Variants in PRR14L observed in about 807,000 individuals in gnomAD.
PRR14L encodes the protein proline rich 14 like.
PRR14L carries 80 observed loss-of-function variants against 155.0 expected under a neutral mutation model. The observed-to-expected ratio is 0.52, with a 90% CI of 0.43 to 0.62. The LOEUF is 0.62. Ranked by LOEUF, PRR14L falls within the 20% of genes least tolerant of loss-of-function variation. PRR14L has a pLI of 0.00. For synonymous variants in PRR14L, 883 were observed against 916.0 expected, an observed-to-expected ratio of 0.96 and a Z score of 0.65; for missense variants, 2,469 against 2,548.0, an observed-to-expected ratio of 0.97 and a Z score of 0.67.
At chr22:31,706,385 A>C (rs1881104979) in intron 4 of PRR14L, among the ~76,000 whole-genome samples, 1 of 148,246 alleles carries the variant, frequency 6.7e-6, no homozygotes, top group South Asian at 2.1e-4. Flanking sequence ...AAAAAAAAGG[A>C]GAAAACTATT....
rs959827674 is a variant in PRR14L, at chr22:31,704,796, T to C, written c.5757-70A>G. On this transcript the variant is annotated intron_variant, in intron 4 of 8. Transcript: ENST00000327423. Reference sequence around the variant, plus strand: ...GATAACAGGAAAGGTTTTGATGTTATTGTGGGTATTAGCACATGATAGCCC... The same window carrying C: ...GATAACAGGAAAGGTTTTGATGTTACTGTGGGTATTAGCACATGATAGCCC... 15 of 1,202,744 alleles carry C rather than the reference T, an allele frequency of 1.2e-5. No homozygotes were observed. The Admixed American group carries it at 2.1e-4, about 17-fold the overall frequency. The allele number at this position is 1,202,744 out of a possible 1,614,324, so 74.5% of individuals were successfully genotyped here.
At chr22:31,731,317 C>A (rs2074748006) in intron 2 of PRR14L, among the ~76,000 whole-genome samples, 1 of 152,030 alleles carries the variant, frequency 6.6e-6, no homozygotes, top group Non-Finnish European at 1.5e-5. Context: ...ATAATCCTAA[C>A]ACTTTGGGAG....
chr22:31,719,739 C>CT (rs131229), intron 3 of PRR14L, among the ~76,000 whole-genome samples: 238 of 143,424 alleles, frequency 1.7e-3, no homozygotes, highest in East Asian at 7.9e-3. Context: ...CTCTGTGACA[C>CT]TTTTTTTTTT....
In PRR14L at chr22:31,681,898, GTTAT is replaced by G. The variant is rs914969963; in HGVS notation, c.*3625_*3628del. 2.0e-4 allele frequency: 30 copies of G among 152,152 alleles called. No individual in the cohort carries two copies. The highest frequency in any genetic ancestry group is 6.8e-4 in the African/African-American group (28 of 41,434). 9.4% of individuals were successfully genotyped at this position (152,152 alleles called of 1,614,324 possible). ...TTTGGATACAGCCACCCACAATGTG[GTTAT>G]TTAAGAAGTCCTTTCCATGACACCA... On this transcript the variant is annotated 3_prime_UTR_variant, in exon 9 of 9. Transcript: ENST00000327423.
intron 4 of PRR14L, among the ~76,000 whole-genome samples, chr22:31,705,026 G>C (rs2074582449): frequency 6.6e-6 from 1 of 152,176 alleles, no homozygotes; most frequent in Non-Finnish European, 1.5e-5. Flanking sequence ...TTGGGAGGCT[G>C]AGGTGGGCAG....
rs1307896591 is a variant in PRR14L at position 31,714,757 on chromosome 22, C to A, written c.3082G>T (p.Gly1028Cys). Residue 1028 changes from glycine (G) to cysteine (C), a missense_variant, in exon 4 of 9, where the codon GGT (glycine) becomes TGT (cysteine). Coordinates refer to ENST00000327423, the MANE Select transcript of PRR14L (RefSeq NM_173566.3). ...SSGSNNSLPC[G>C]SPKKCNLKGA... ...TTCAAATTGCATTTCTTTGGACTAC[C>A]ACAAGGTAGTGAGTTATTACTGCCT... The A allele has an allele frequency of 6.4e-6, 10 of 1,552,184 alleles. No homozygotes were observed. Among genetic ancestry groups the A allele is most frequent in the Non-Finnish European group, 8.7e-6 (10 of 1,147,140 alleles).
intron 1 of PRR14L, among the ~76,000 whole-genome samples, chr22:31,747,512 AAAGTT>A (rs796540381): frequency 1.1e-3 from 167 of 149,846 alleles, no homozygotes; most frequent in African/African-American, 4.0e-3. Context: ...GTGTTAAGTG[AAAGTT>A]AAGTGAACTT....
At chr22:31,749,161 C>T (rs2074857554) in intron 1 of PRR14L, among the ~76,000 whole-genome samples, 1 of 152,126 alleles carries the variant, frequency 6.6e-6, no homozygotes, top group South Asian at 2.1e-4. Context: ...GAAAACAGAA[C>T]CCAAATTGGA....
In PRR14L at chr22:31,713,764, C is replaced by A; in HGVS notation, c.4075G>T (p.Val1359Phe). 1 of 1,552,342 alleles carries A rather than the reference C, an allele frequency of 6.4e-7. No homozygotes were observed. Among genetic ancestry groups the A allele is most frequent in the Non-Finnish European group, 8.7e-7 (1 of 1,147,140 alleles). Residue 1359 changes from valine (V) to phenylalanine (F), a missense_variant, in exon 4 of 9, where the codon GTT becomes TTT. Coordinates refer to ENST00000327423, the MANE Select transcript of PRR14L (RefSeq NM_173566.3). ...LTVGEQSEEL[V>F]TRETGDGDPV... ...TCGCCATCGCCAGTTTCTCTGGTAA[C>A]CAACTCCTCAGATTGCTCCCCAACA... is the stretch of plus-strand genomic sequence containing the variant.
rs2074665408 is a variant in PRR14L at position 31,717,219 on chromosome 22, G to A, written c.620C>T (p.Thr207Ile). The A allele has an allele frequency of 6.4e-7, 1 of 1,551,784 alleles. No homozygotes were observed. The highest frequency in any genetic ancestry group is 1.4e-5 in the African/African-American group (1 of 73,014). Residue 207 changes from threonine (T) to isoleucine (I), a missense_variant, in exon 4 of 9, where the codon ACT becomes ATT. Thr to Ile is a moderately conservative substitution (Grantham distance 89). Transcript: ENST00000327423. ...GTGTCCTTCATTATTATCCGTCTTA[G>A]TCCCATTGACCTTCATACCTTGTAC... is the stretch of plus-strand genomic sequence containing the variant. ...AEVQGMKVNG[T>I]KTDNNEGHKN...
Position 31,685,495 on chromosome 22 carries a change from C to A in PRR14L, c.*32G>T, listed in dbSNP as rs373060948. 5.4e-6 allele frequency: 8 copies of A among 1,481,056 alleles called. No individual in the cohort carries two copies. Among genetic ancestry groups the A allele is most frequent in the South Asian group, 2.7e-5 (2 of 74,818 alleles). 91.7% of individuals were successfully genotyped at this position (1,481,056 alleles called of 1,614,324 possible). A position where few individuals can be genotyped will look rare whatever the true frequency, so the allele number is the denominator to read the frequency against. On this transcript the variant is annotated 3_prime_UTR_variant, in exon 9 of 9. Transcript: ENST00000327423. ...AAAAACAAAACAAAACAAAAAAACC[C>A]TAAAATTGAGACCCTCAAACTGAAT...
In PRR14L at chr22:31,684,749, C is replaced by G. The variant is rs985218318; in HGVS notation, c.*778G>C. On this transcript the variant is annotated 3_prime_UTR_variant, in exon 9 of 9. Transcript: ENST00000327423. ...TTCTTAAGACATGTATTGTTTTTCTCCTTAAAAAAATGTTTTAAAATCACA... is the reference window on the plus strand; with the variant it reads ...TTCTTAAGACATGTATTGTTTTTCTGCTTAAAAAAATGTTTTAAAATCACA... 1 of 151,942 alleles carries G rather than the reference C, an allele frequency of 6.6e-6. No individual in the cohort carries two copies. The highest frequency in any genetic ancestry group is 1.5e-5 in the Non-Finnish European group (1 of 67,958). The allele number at this position is 151,942 out of a possible 1,614,324, so 9.4% of individuals were successfully genotyped here.
intron 2 of PRR14L, among the ~76,000 whole-genome samples, chr22:31,735,732 T>C (rs550007105): frequency 6.6e-6 from 1 of 151,816 alleles, no homozygotes; most frequent in South Asian, 2.1e-4. Context: ...CTTAGCCTTT[T>C]ACCTATTTAA....
intron 2 of PRR14L, among the ~76,000 whole-genome samples, chr22:31,726,207 T>G (rs1372589244): frequency 6.6e-6 from 1 of 151,898 alleles, no homozygotes; most frequent in Non-Finnish European, 1.5e-5. Context: ...GTCAGCTCAC[T>G]GCAACTTCTG....
chr22:31,714,706 A>C lies in PRR14L; in HGVS notation c.3133T>G (p.Cys1045Gly). 6.4e-7 allele frequency: 1 copy of C among 1,552,394 alleles called. No individual in the cohort carries two copies. The change falls in exon 4 of 9, where the codon TGT becomes GGT. Residue 1045 changes from cysteine to glycine, a missense_variant. Transcript: ENST00000327423. The part of the protein sequence containing the change: ...LKGAFVKMSG[C>G]DESTEGMVDI... ...ACCATACCTTCTGTGGACTCATCAC[A>C]ACCAGACATCTTGACAAAGGCTCCT...
rs1256574356 is a variant in PRR14L at position 31,681,491 on chromosome 22, A to G, written c.*4036T>C. On this transcript the variant is annotated 3_prime_UTR_variant, in exon 9 of 9. Coordinates refer to ENST00000327423, the MANE Select transcript of PRR14L (RefSeq NM_173566.3). ...ACCAAAAATGTACAAATTTCATTGA[A>G]CTACTGACCATGATAATATATAAAC... 1 of 152,198 alleles carries G rather than the reference A, an allele frequency of 6.6e-6. No homozygotes were observed. The highest frequency in any genetic ancestry group is 2.4e-5 in the African/African-American group (1 of 41,456). The allele number at this position is 152,198 out of a possible 1,614,324, so 9.4% of individuals were successfully genotyped here.
At chr22:31,735,642 G>GAAAAAAA (rs11443259) in intron 2 of PRR14L, among the ~76,000 whole-genome samples, 1 of 130,448 alleles carries the variant, frequency 7.7e-6, no homozygotes. Context: ...CCCTAAATTG[G>GAAAAAAA]AAAAAAAAAA....
At position 31,716,087 on chromosome 22, in the gene PRR14L, T is replaced by C; in HGVS notation, c.1752A>G (p.Val584=). Residue 584 remains valine, a synonymous_variant, in exon 4 of 9, where the codon GTA becomes GTG. Transcript: ENST00000327423. ...CTTGCTTGGGTTTTAATACCTCACT[T>C]ACAGGACTTATTTGATCCTCTGGCA... is the stretch of plus-strand genomic sequence containing the variant. ...SLMPEDQISP[V]SEVLKPKQGT... is the part of the protein sequence containing the mutation. The C allele has an allele frequency of 6.4e-7, 1 of 1,551,148 alleles. No homozygotes were observed. The highest frequency in any genetic ancestry group is 8.7e-7 in the Non-Finnish European group (1 of 1,146,942).
At chr22:31,744,344 G>C (rs908307555) in intron 1 of PRR14L, among the ~76,000 whole-genome samples, 2 of 152,140 alleles carry the variant, frequency 1.3e-5, no homozygotes, top group African/African-American at 4.8e-5. Context: ...TGTTGGTCAG[G>C]CTGATCTCAA....
Sources: allele counts gnomAD v4.1 joint callset (sites outside exome capture counted in the v4.1 genomes callset), GRCh38; gene constraint gnomAD v4.1.1; transcripts MANE v1.5; gene names NCBI Gene and HGNC (gene_info 2026-07-23, HGNC 2026-07-21).